CTSV: variants seen among roughly 807,000 people sequenced by gnomAD.
CTSV encodes the protein cathepsin V, also known as cathepsin L2.
CTSV carries 33 observed loss-of-function variants against 35.6 expected under a neutral mutation model. That is an observed-to-expected ratio of 0.93 (90% confidence interval 0.70 to 1.24). The LOEUF is 1.24. Among genes scored for constraint, CTSV ranks in the 50% most tolerant of loss-of-function variants. CTSV has a pLI of 0.00. For synonymous variants in CTSV, 154 were observed against 147.1 expected (o/e 1.05, Z -0.34); for missense variants, 408 against 413.1 (o/e 0.99, Z 0.11).
At position 97,036,329 on chromosome 9, in the gene CTSV, CCAAACTG is replaced by C. The variant is rs1828849475; in HGVS notation, c.621+187_621+193del. 10 of 612,172 alleles carry C rather than the reference CCAAACTG, an allele frequency of 1.6e-5. No individual in the cohort carries two copies. In the South Asian group the frequency reaches 1.9e-4, roughly 12 times the overall value. 37.9% of individuals were successfully genotyped at this position (612,172 alleles called of 1,614,324 possible). On this transcript the variant is annotated intron_variant, in intron 5 of 7. Transcript: ENST00000259470. ...CTCGTGATCCGCCTGTCTCGGCCTCCCAAACTGCTGGGATTACAGGTGATCCACCACG... is the reference window on the plus strand; with the variant it reads ...CTCGTGATCCGCCTGTCTCGGCCTCCCTGGGATTACAGGTGATCCACCACG...
rs1398378180 is a variant in CTSV at position 97,029,978 on chromosome 9, T to C, written c.*2971A>G. 6.6e-6 allele frequency: 1 copy of C among 152,270 alleles called. No homozygotes were observed. The highest frequency in any genetic ancestry group is 1.9e-4 in the East Asian group (1 of 5,200). The allele number at this position is 152,270 out of a possible 1,614,324, so 9.4% of individuals were successfully genotyped here. ...CAGGCTGTACCATATAGCCTAGGTG[T>C]GTAATAGGCTATACCATCTAGGTTT... On this transcript the variant is annotated 3_prime_UTR_variant, in exon 8 of 8. Coordinates refer to ENST00000259470, the MANE Select transcript of CTSV (RefSeq NM_001333.4).
Position 97,030,012 on chromosome 9 carries a change from G to C in CTSV, c.*2937C>G, listed in dbSNP as rs1055316482. 3.9e-5 allele frequency: 6 copies of C among 152,150 alleles called. No homozygotes were observed. The highest frequency in any genetic ancestry group is 3.9e-4 in the Admixed American group (6 of 15,274). 9.4% of individuals were successfully genotyped at this position (152,150 alleles called of 1,614,324 possible). A position where few individuals can be genotyped will look rare whatever the true frequency, so the allele number is the denominator to read the frequency against. Reference sequence around the variant, plus strand: ...CTATACCATCTAGGTTTGTGTCAGTGTACTCTATGATGTTCACGTCACGAT... The same window carrying C: ...CTATACCATCTAGGTTTGTGTCAGTCTACTCTATGATGTTCACGTCACGAT... On this transcript the variant is annotated 3_prime_UTR_variant, in exon 8 of 8. Coordinates refer to ENST00000259470, the MANE Select transcript of CTSV (RefSeq NM_001333.4).
rs1056412906 is a variant in CTSV at position 97,037,604 on chromosome 9, T to A, written c.138A>T (p.Gly46=). Residue 46 remains glycine (G), a synonymous_variant, in exon 3 of 8, where the codon GGA becomes GGT. Transcript: ENST00000259470. ...TCTTTTCCCACACTGCTCTCCTCCA[T>A]CCTTCTTCATTCTAGAGGCAAACAT... ...HRRLYGANEE[G]WRRAVWEKNM... The A allele has an allele frequency of 6.2e-6, 10 of 1,613,940 alleles. No individual in the cohort carries two copies. Among genetic ancestry groups the A allele is most frequent in the African/African-American group, 1.3e-5 (1 of 74,910 alleles).
In CTSV at chr9:97,036,626, T is replaced by C; in HGVS notation, c.518A>G (p.Gln173Arg). 6.2e-7 allele frequency: 1 copy of C among 1,613,996 alleles called. No individual in the cohort carries two copies. Among genetic ancestry groups the C allele is most frequent in the Middle Eastern group, 1.6e-4 (1 of 6,062 alleles). The change falls in exon 5 of 8, where the codon CAA (glutamine) becomes CGA (arginine). Residue 173 changes from glutamine (Q) to arginine (R), a missense_variant. Coordinates refer to ENST00000259470, the MANE Select transcript of CTSV (RefSeq NM_001333.4). Reference sequence around the variant, plus strand: ...GCCACCATTGCAGCCCTGATTGCCTTGAGGACGCGAACAGTCCACCAGATT... The same window carrying C: ...GCCACCATTGCAGCCCTGATTGCCTCGAGGACGCGAACAGTCCACCAGATT... ...EQNLVDCSRP[Q>R]GNQGCNGGFM...
In CTSV at chr9:97,032,224, T is replaced by C. The variant is rs1441269612; in HGVS notation, c.*725A>G. On this transcript the variant is annotated 3_prime_UTR_variant, in exon 8 of 8. Coordinates refer to ENST00000259470, the MANE Select transcript of CTSV (RefSeq NM_001333.4). ...GAGTTCAAGACCAGCCTGGCCAAGA[T>C]GGTGAAACCCTCTCTCTACTAAAAA... is the stretch of plus-strand genomic sequence containing the variant. 5 of 152,162 alleles carry C rather than the reference T, an allele frequency of 3.3e-5. No homozygotes were observed. The highest frequency in any genetic ancestry group is 5.9e-5 in the Non-Finnish European group (4 of 68,066). 9.4% of individuals were successfully genotyped at this position (152,162 alleles called of 1,614,324 possible). A position where few individuals can be genotyped will look rare whatever the true frequency, so the allele number is the denominator to read the frequency against.
intron 7 of CTSV, among the ~76,000 whole-genome samples, chr9:97,034,255 T>C (rs1193768693): frequency 1.3e-5 from 2 of 152,198 alleles, no homozygotes; most frequent in African/African-American, 2.4e-5. Flanking sequence ...TGTGAGAAAA[T>C]AGATTCTGAC....
Position 97,037,357 on chromosome 9 carries a change from G to C in CTSV, c.291C>G (p.Asn97Lys). ...ACACTTTCCCCTTCCTGAATTTCTG[G>C]TTTCGAAAGCAACCCATCATCTGCC... ...EFRQMMGCFRNQKFRKGKVFR... is the reference protein window; with the variant it reads ...EFRQMMGCFRKQKFRKGKVFR... The change falls in exon 4 of 8, where the codon AAC (asparagine) becomes AAG (lysine). Residue 97 changes from asparagine (N) to lysine (K), a missense_variant. Coordinates refer to ENST00000259470, the MANE Select transcript of CTSV (RefSeq NM_001333.4). 6.2e-7 allele frequency: 1 copy of C among 1,614,150 alleles called. No homozygotes were observed. Among genetic ancestry groups the C allele is most frequent in the Non-Finnish European group, 8.5e-7 (1 of 1,180,032 alleles).
In CTSV at chr9:97,037,495, T is replaced by C. The variant is rs541091009; in HGVS notation, c.247A>G (p.Met83Val). Residue 83 changes from methionine (M) to valine (V), a missense_variant and splice_region_variant, in exon 3 of 8, where the codon ATG (methionine) becomes GTG (valine). Met to Val is a conservative substitution (Grantham distance 21). Transcript: ENST00000259470. ...FTMAMNAFGDMTNEEFRQMMG... is the reference protein window; with the variant it reads ...FTMAMNAFGDVTNEEFRQMMG... The stretch of plus-strand genomic sequence containing the variant: ...TCAGCAATCCTTGCCACACTCACCA[T>C]GTCACCAAAAGCATTCATGGCCATT... The C allele has an allele frequency of 6.1e-5, 99 of 1,614,098 alleles. No individual in the cohort carries two copies. The highest frequency in any genetic ancestry group is 7.0e-5 in the Non-Finnish European group (83 of 1,180,034).
chr9:97,039,527 C>A (rs1352417356), upstream of CTSV: 1 of 152,230 alleles, frequency 6.6e-6, no homozygotes, highest in Non-Finnish European at 1.5e-5. Context: ...CCAGGGTACT[C>A]TCGTTCAGTG....
chr9:97,035,867 T>G (rs1413933480), intron 5 of CTSV, among the ~76,000 whole-genome samples, 174 bp from the exon 6 acceptor site: 1 of 152,182 alleles, frequency 6.6e-6, no homozygotes, highest in Non-Finnish European at 1.5e-5. Flanking sequence ...AAAAATTAGT[T>G]GACATTTCTT....
rs562759402 is a variant in CTSV, at chr9:97,034,587, T to C, written c.905+139A>G. 1.5e-5 allele frequency: 10 copies of C among 674,396 alleles called. No individual in the cohort carries two copies. In the African/African-American group the frequency reaches 1.6e-4, roughly 11 times the overall value. 41.8% of individuals were successfully genotyped at this position (674,396 alleles called of 1,614,324 possible). A position where few individuals can be genotyped will look rare whatever the true frequency, so the allele number is the denominator to read the frequency against. The stretch of plus-strand genomic sequence containing the variant: ...ACTCCAAAAAGCTTGGTACGGAATC[T>C]TATAATCAAACATTAATATTTCTGT... On this transcript the variant is annotated intron_variant, in intron 7 of 7. Coordinates refer to ENST00000259470, the MANE Select transcript of CTSV (RefSeq NM_001333.4).
intron 5 of CTSV, among the ~76,000 whole-genome samples, chr9:97,036,134 G>A (rs547675222): frequency 6.6e-6 from 1 of 151,324 alleles, no homozygotes; most frequent in African/African-American, 2.4e-5. Context: ...GTAGTGGTGC[G>A]ATCTTGGCTC....
At chr9:97,033,675 A>G (rs10759391) in intron 7 of CTSV, among the ~76,000 whole-genome samples, 41,639 of 151,224 alleles carry the variant, frequency 0.28, 7,996 homozygotes, top group East Asian at 0.54. Flanking sequence ...GCGCATGCCT[A>G]TAGTCCCAGC....
intron 7 of CTSV, 36 bp from the exon 8 acceptor site, chr9:97,033,084 A>C (rs759509224): frequency 6.9e-7 from 1 of 1,446,254 alleles, no homozygotes; most frequent in Non-Finnish European, 9.6e-7. Context: ...TTATACAAGG[A>C]ATCAAGGGAA....
In CTSV at chr9:97,030,157, T is replaced by C. The variant is rs1226138498; in HGVS notation, c.*2792A>G. On this transcript the variant is annotated 3_prime_UTR_variant, in exon 8 of 8. Coordinates refer to ENST00000259470, the MANE Select transcript of CTSV (RefSeq NM_001333.4). ...ACAGAAAAGTTTCTTCTTTGCTTTT[T>C]AGAAATTTTATCAGTTACAAAAGGA... 1.3e-5 allele frequency: 2 copies of C among 152,256 alleles called. No homozygotes were observed. Among genetic ancestry groups the C allele is most frequent in the African/African-American group, 4.8e-5 (2 of 41,470 alleles). 9.4% of individuals were successfully genotyped at this position (152,256 alleles called of 1,614,324 possible). A position where few individuals can be genotyped will look rare whatever the true frequency, so the allele number is the denominator to read the frequency against.
upstream of CTSV, chr9:97,039,408 C>G (rs1379369223): frequency 6.6e-6 from 1 of 152,340 alleles, no homozygotes; most frequent in Non-Finnish European, 1.5e-5. Flanking sequence ...TACTGACTAT[C>G]CCGACTTACT....
At chr9:97,039,555 G>C (rs1828921184), upstream of CTSV, 1 of 152,170 alleles carries the variant, frequency 6.6e-6, no homozygotes, top group South Asian at 2.1e-4. Flanking sequence ...TTTAGTCCAC[G>C]GCAAAGGTGG....
chr9:97,035,606 T>A lies in CTSV; in HGVS notation c.709A>T (p.Met237Leu). The change falls in exon 6 of 8, where the codon ATG becomes TTG. Residue 237 changes from methionine (M) to leucine (L), a missense_variant. Met to Leu is a conservative substitution (Grantham distance 15). Transcript: ENST00000259470. ...VVAPGKEKAL[M>L]KAVATVGPIS... Reference sequence around the variant, plus strand: ...GGCCCCACAGTTGCGACTGCTTTCATCAGGGCCTTCTCCTTTCCAGGTGCG... The same window carrying A: ...GGCCCCACAGTTGCGACTGCTTTCAACAGGGCCTTCTCCTTTCCAGGTGCG... 2 of 1,607,080 alleles carry A rather than the reference T, an allele frequency of 1.2e-6. No homozygotes were observed. The highest frequency in any genetic ancestry group is 1.7e-6 in the Non-Finnish European group (2 of 1,176,126).
chr9:97,037,554 T>C lies in CTSV; in HGVS notation c.188A>G (p.Asn63Ser). The C allele has an allele frequency of 1.2e-6, 2 of 1,614,176 alleles. No homozygotes were observed. Among genetic ancestry groups the C allele is most frequent in the East Asian group, 4.5e-5 (2 of 44,884 alleles). ...EKNMKMIELHNGEYSQGKHGF... is the reference protein window; with the variant it reads ...EKNMKMIELHSGEYSQGKHGF... ...ATGTTTCCCTTGGCTGTATTCCCCA[T>C]TGTGCAGTTCAATCATTTTCATATT... Residue 63 changes from asparagine to serine, a missense_variant, in exon 3 of 8, where the codon AAT becomes AGT. By Grantham distance (46) the Asn-to-Ser change is conservative (BLOSUM62 1). Transcript: ENST00000259470.
Sources: gnomAD v4.1 joint callset for allele counts (sites outside exome capture counted in the v4.1 genomes callset) on GRCh38, gnomAD v4.1.1 for gene constraint, MANE v1.5 for transcripts, NCBI Gene and HGNC (gene_info 2026-07-23, HGNC 2026-07-21) for gene names.